ROCK2: variants seen among roughly 807,000 people sequenced by gnomAD.
ROCK2 encodes the protein rho-associated protein kinase 2.
Under a neutral mutation model 195.1 loss-of-function variants are expected in ROCK2, and 61 were observed. The observed-to-expected ratio is 0.31, with a 90% CI of 0.25 to 0.39. ROCK2 has a LOEUF of 0.39. ROCK2 is among the 10% of genes least tolerant of loss of function. The pLI, the probability that ROCK2 is intolerant of heterozygous loss-of-function variation, is 1.00. For missense variants in ROCK2, 1,109 were observed against 1,637.4 expected (o/e 0.68, Z 5.57); for synonymous variants, 504 against 545.5 (o/e 0.92, Z 1.06).
At chr2:11,245,761 C>T (rs943227132) in intron 4 of ROCK2, among the ~76,000 whole-genome samples, 1 of 152,106 alleles carries the variant, frequency 6.6e-6, no homozygotes, top group Admixed American at 6.5e-5. Flanking sequence ...AAACCAACCT[C>T]ATTCTGATCC....
At chr2:11,228,517 G>T (rs1396807200) in intron 5 of ROCK2, among the ~76,000 whole-genome samples, 2 of 151,994 alleles carry the variant, frequency 1.3e-5, no homozygotes, top group African/African-American at 4.8e-5. Flanking sequence ...GCAAACCATG[G>T]GAGTAACACT....
chr2:11,261,442 C>G (rs574759151), intron 3 of ROCK2, among the ~76,000 whole-genome samples: 1 of 152,316 alleles, frequency 6.6e-6, no homozygotes, highest in Admixed American at 6.5e-5. Flanking sequence ...AACTCCTTCT[C>G]CTTTATTCAA....
At chr2:11,276,312 A>G (rs1234646124) in intron 3 of ROCK2, among the ~76,000 whole-genome samples, 1 of 152,258 alleles carries the variant, frequency 6.6e-6, no homozygotes, top group Non-Finnish European at 1.5e-5. Context: ...AAAATGTATT[A>G]GAATAAGTTA....
In ROCK2 at chr2:11,235,483, T is replaced by C. The variant is rs886807826; in HGVS notation, c.723+219A>G. On this transcript the variant is annotated intron_variant, in intron 5 of 32. Transcript: ENST00000315872. The surrounding 1 kb of genome is among the most constrained non-coding windows in gnomAD (Gnocchi z 4.2). Reference sequence around the variant, plus strand: ...GGAAGATAACTAAGCTAAGTTTTTATTTCTCTTGATAAGTACTCTACAGCT... The same window carrying C: ...GGAAGATAACTAAGCTAAGTTTTTACTTCTCTTGATAAGTACTCTACAGCT... Among the ~76,000 whole-genome samples the C allele has an allele frequency of 6.6e-6, 1 of 152,226 alleles. No homozygotes were observed. The highest frequency in any genetic ancestry group is 1.5e-5 in the Non-Finnish European group (1 of 68,038).
At chr2:11,322,316 T>A (rs1193838322) in intron 1 of ROCK2, among the ~76,000 whole-genome samples, 1 of 151,974 alleles carries the variant, frequency 6.6e-6, no homozygotes, top group Non-Finnish European at 1.5e-5. Context: ...ATCAGTTTTT[T>A]AAAAAGAATA....
intron 17 of ROCK2, 43 bp from the exon 18 acceptor site, chr2:11,211,883 A>C (rs1246491741): frequency 6.9e-7 from 1 of 1,439,892 alleles, no homozygotes; most frequent in African/African-American, 1.4e-5. Context: ...AAAAGAGACT[A>C]GCTCACAATT....
chr2:11,213,442 C>A (rs895714168), intron 17 of ROCK2, among the ~76,000 whole-genome samples: 1 of 151,994 alleles, frequency 6.6e-6, no homozygotes, highest in African/African-American at 2.4e-5. Flanking sequence ...ACATTGTGAT[C>A]TTCAGGCCAA....
intron 3 of ROCK2, among the ~76,000 whole-genome samples, chr2:11,260,252 A>C (rs1269958568): frequency 2.0e-5 from 3 of 151,172 alleles, no homozygotes; most frequent in Admixed American, 6.6e-5. Context: ...GTTCCAGACC[A>C]GTGTGGCCAA....
intron 1 of ROCK2, among the ~76,000 whole-genome samples, chr2:11,329,721 A>G (rs1234923360): frequency 1.3e-5 from 2 of 151,534 alleles, no homozygotes; most frequent in Admixed American, 1.3e-4. Flanking sequence ...AATTGCTTGC[A>G]GCAGAAATTG....
chr2:11,190,365 TTA>T (rs1491329808), intron 32 of ROCK2, among the ~76,000 whole-genome samples: 3,725 of 145,044 alleles, frequency 0.026, 138 homozygotes, highest in African/African-American at 0.088. Context: ...CAGAAGTTTT[TTA>T]AAAAAAAAAA....
At chr2:11,198,976 C>T (rs577984321) in intron 23 of ROCK2, among the ~76,000 whole-genome samples, 1 of 151,182 alleles carries the variant, frequency 6.6e-6, no homozygotes, top group South Asian at 2.1e-4. Context: ...TCTCAGCTCA[C>T]TGCAACCTCC....
rs1272222309 is a variant in ROCK2, at chr2:11,202,415, T to C, written c.2550-294A>G. On this transcript the variant is annotated intron_variant, in intron 20 of 32. Transcript: ENST00000315872. ...TTTTAAAGTTTTCTCAGTTTTAATT[T>C]CTAACACAATACAAATCATTAGATA... Among the ~76,000 whole-genome samples the C allele has an allele frequency of 2.0e-5, 3 of 152,092 alleles. No homozygotes were observed. The East Asian group carries it at 5.8e-4, about 29-fold the overall frequency.
chr2:11,245,034 A>G (rs997686045), intron 4 of ROCK2, among the ~76,000 whole-genome samples: 21 of 151,894 alleles, frequency 1.4e-4, no homozygotes, highest in Non-Finnish European at 2.5e-4. Flanking sequence ...AATCAAATTC[A>G]GTATCCCACT....
chr2:11,345,012 G>C (rs557525967), upstream of ROCK2, among the ~76,000 whole-genome samples: 2 of 150,782 alleles, frequency 1.3e-5, no homozygotes, highest in African/African-American at 4.9e-5. Flanking sequence ...ACCGTGCGCT[G>C]GGGGGGAGCC....
intron 20 of ROCK2, among the ~76,000 whole-genome samples, chr2:11,202,992 G>A (rs905145215): frequency 4.6e-5 from 7 of 152,122 alleles, no homozygotes; most frequent in Non-Finnish European, 8.8e-5. Context: ...CTGGGGAGGC[G>A]AGAAGTGCTG....
Position 11,227,321 on chromosome 2 carries a change from A to G in ROCK2, c.801T>C (p.Gly267=). 1 of 1,613,526 alleles carries G rather than the reference A, an allele frequency of 6.2e-7. No homozygotes were observed. The highest frequency in any genetic ancestry group is 8.5e-7 in the Non-Finnish European group (1 of 1,179,778). Residue 267 remains glycine, a synonymous_variant, in exon 6 of 33, where the codon GGT becomes GGC. Coordinates refer to ENST00000315872, the MANE Select transcript of ROCK2 (RefSeq NM_004850.5). ...CACATTCTCGCCCATAGAAACCATC[A>G]CCCCCTTGTGATTTCAGAACCTCAG... The part of the protein sequence containing the change: ...ISPEVLKSQG[G]DGFYGRECDW...
chr2:11,276,284 A>G (rs1203009782), intron 3 of ROCK2, among the ~76,000 whole-genome samples: 4 of 152,214 alleles, frequency 2.6e-5, no homozygotes, highest in African/African-American at 4.8e-5. Context: ...AGACAATCCT[A>G]AAGATCCCAC....
intron 4 of ROCK2, among the ~76,000 whole-genome samples, chr2:11,246,088 TGA>T (rs1665603598): frequency 6.6e-6 from 1 of 152,164 alleles, no homozygotes; most frequent in African/African-American, 2.4e-5. Flanking sequence ...ATCAAGACAC[TGA>T]GCACAAATAG....
At chr2:11,286,803 A>G (rs567734175) in intron 2 of ROCK2, among the ~76,000 whole-genome samples, 164 bp from the exon 3 acceptor site, 25 of 152,306 alleles carry the variant, frequency 1.6e-4, no homozygotes, top group African/African-American at 5.8e-4. Flanking sequence ...ATTAACGTTA[A>G]AGAACCAAAA....
Sources: gnomAD v4.1 joint callset for allele counts (sites outside exome capture counted in the v4.1 genomes callset) on GRCh38, gnomAD v4.1.1 for gene constraint, Gnocchi (gnomAD v3.1) non-coding constraint, MANE v1.5 for transcripts, NCBI Gene and HGNC (gene_info 2026-07-23, HGNC 2026-07-21) for gene names.